CMTM4: variants seen among roughly 807,000 people sequenced by gnomAD.
CMTM4 encodes CKLF like MARVEL transmembrane domain containing 4.
In CMTM4, 8 loss-of-function variants were observed where a neutral mutation model predicts 19.0. That is an observed-to-expected ratio of 0.42 (90% CI 0.25 to 0.76). The LOEUF (loss-of-function observed/expected upper bound fraction) is 0.76. Among genes scored for constraint, CMTM4 ranks in the 30% least tolerant of loss-of-function variants. The pLI, the probability that CMTM4 is intolerant of heterozygous loss-of-function variation, is 0.27. For synonymous variants in CMTM4, 106 were observed against 121.1 expected, an observed-to-expected ratio of 0.88 and a Z score of 0.82; for missense variants, 228 against 290.2, an observed-to-expected ratio of 0.79 and a Z score of 1.56.
At chr16:66,649,402 T>C (rs1045270658) in intron 1 of CMTM4, among the ~76,000 whole-genome samples, 2 of 152,140 alleles carry the variant, frequency 1.3e-5, no homozygotes, top group African/African-American at 2.4e-5. Flanking sequence ...ACAAGCTCCT[T>C]AGGGAGCAAA....
Position 66,621,710 on chromosome 16 carries a change from T to C in CMTM4, c.*348A>G. 1 of 1,081,782 alleles carries C rather than the reference T, an allele frequency of 9.2e-7. No homozygotes were observed. Among genetic ancestry groups the C allele is most frequent in the South Asian group, 3.3e-5 (1 of 30,698 alleles). 67.0% of individuals were successfully genotyped at this position (1,081,782 alleles called of 1,614,324 possible). A position where few individuals can be genotyped will look rare whatever the true frequency, so the allele number is the denominator to read the frequency against. ...AATGCTGTCCCTTCATTCCTTCATA[T>C]TTCCCCCCTCTTAGCAGCCCCATTT... On this transcript the variant is annotated 3_prime_UTR_variant, in exon 4 of 4. Coordinates refer to ENST00000394106, the MANE Select transcript of CMTM4 (RefSeq NM_181521.3).
the CMTM4 span, chr16:66,604,903 C>A: frequency 3.4e-6 from 5 of 1,460,274 alleles, no homozygotes; most frequent in Non-Finnish European, 4.5e-6. Flanking sequence ...CTGCTGCCGG[C>A]GCGGGCTTTC....
chr16:66,674,879 T>C (rs184149534), intron 1 of CMTM4, among the ~76,000 whole-genome samples: 52 of 151,278 alleles, frequency 3.4e-4, no homozygotes, highest in African/African-American at 1.1e-3. Flanking sequence ...GTAGCTGGGA[T>C]TACAGGTGCC....
At chr16:66,628,474 G>T (rs776932223) in intron 2 of CMTM4, among the ~76,000 whole-genome samples, 9 of 152,174 alleles carry the variant, frequency 5.9e-5, no homozygotes, top group Non-Finnish European at 1.2e-4. Flanking sequence ...AGAGAATGGC[G>T]ATGACTTTTA....
chr16:66,608,518 A>C, the CMTM4 span: 1 of 1,581,178 alleles, frequency 6.3e-7, no homozygotes, highest in Non-Finnish European at 8.6e-7. The surrounding 1 kb of genome is among the most constrained non-coding windows in gnomAD (Gnocchi z 5.1). Flanking sequence ...TGGCCAGATG[A>C]GGAGTCCAGA....
Position 66,651,434 on chromosome 16 carries a change from T to G in CMTM4, c.187-14853A>C, listed in dbSNP as rs189754052. Among the ~76,000 whole-genome samples, 373 of 152,190 alleles carry G rather than the reference T, an allele frequency of 2.5e-3. 1 individual carries two copies. The highest frequency in any genetic ancestry group is 8.3e-3 in the African/African-American group (345 of 41,542). ...ACGGCTTCCATTTAGGGAGCATCAA[T>G]AAGGTAAGGAAGCTACAGGGCTCTG... On this transcript the variant is annotated intron_variant, in intron 1 of 3. Transcript: ENST00000394106.
downstream of CMTM4, chr16:66,612,550 G>A (rs373217734): frequency 1.9e-4 from 295 of 1,583,942 alleles, no homozygotes; most frequent in African/African-American, 4.2e-4. This position sits in a 1 kb window ranked among gnomAD's most constrained non-coding sequence, Gnocchi z 6.0. Flanking sequence ...CCCAGAGACC[G>A]TTCCCAGGCA....
chr16:66,695,386 C>T (rs2017214499), intron 1 of CMTM4, among the ~76,000 whole-genome samples: 1 of 152,118 alleles, frequency 6.6e-6, no homozygotes, highest in South Asian at 2.1e-4. Context: ...GCTTCTCTGG[C>T]TATGAGAAGT....
chr16:66,600,972 G>C, the CMTM4 span, among the ~76,000 whole-genome samples: 1 of 152,172 alleles, frequency 6.6e-6, no homozygotes, highest in South Asian at 2.1e-4. Flanking sequence ...ACCATAGTTT[G>C]TTCCAGGAAC....
At chr16:66,630,261 GA>G (rs556448446) in intron 2 of CMTM4, among the ~76,000 whole-genome samples, 23 of 140,856 alleles carry the variant, frequency 1.6e-4, no homozygotes, top group East Asian at 1.1e-3. Flanking sequence ...TTTGGTGTCA[GA>G]AAAAAAAAAA....
chr16:66,642,129 T>G (rs1217721687), intron 1 of CMTM4, among the ~76,000 whole-genome samples: 1 of 152,150 alleles, frequency 6.6e-6, no homozygotes, highest in African/African-American at 2.4e-5. Flanking sequence ...TCTAGCACAG[T>G]GAAATCTAAT....
intron 1 of CMTM4, among the ~76,000 whole-genome samples, chr16:66,682,253 A>G (rs2016929256): frequency 6.6e-6 from 1 of 152,200 alleles, no homozygotes; most frequent in Non-Finnish European, 1.5e-5. Context: ...TTAACTTTCA[A>G]GTTATTTAGC....
chr16:66,618,233 T>C lies in CMTM4; in HGVS notation c.*3825A>G. ...GCTCAAGAGAATCCACCAGCAGCTC[T>C]TGGCCTAGAAACTTTTTCCCCTTTC... On this transcript the variant is annotated 3_prime_UTR_variant, in exon 4 of 4. Coordinates refer to ENST00000394106, the MANE Select transcript of CMTM4 (RefSeq NM_181521.3). The C allele has an allele frequency of 1.3e-5, 13 of 985,480 alleles. No homozygotes were observed. Among genetic ancestry groups the C allele is most frequent in the Non-Finnish European group, 1.6e-5 (13 of 829,930 alleles). 61.0% of individuals were successfully genotyped at this position (985,480 alleles called of 1,614,324 possible).
chr16:66,642,491 A>C (rs988556219), intron 1 of CMTM4, among the ~76,000 whole-genome samples: 1 of 152,108 alleles, frequency 6.6e-6, no homozygotes, highest in Non-Finnish European at 1.5e-5. Flanking sequence ...AGGGAGTTGG[A>C]TCACTTGAGG....
intron 1 of CMTM4, among the ~76,000 whole-genome samples, chr16:66,655,038 C>T (rs1387059817): frequency 1.3e-5 from 2 of 152,156 alleles, no homozygotes; most frequent in African/African-American, 4.8e-5. Flanking sequence ...CTCTGTCACC[C>T]AGGCTAGAGT....
intron 2 of CMTM4, among the ~76,000 whole-genome samples, chr16:66,635,643 C>G (rs1171758901): frequency 6.6e-6 from 1 of 152,260 alleles, no homozygotes; most frequent in African/African-American, 2.4e-5. Flanking sequence ...CCACGGCGTT[C>G]TCATCCCACA....
intron 2 of CMTM4, among the ~76,000 whole-genome samples, chr16:66,628,056 G>C (rs929759536): frequency 2.0e-5 from 3 of 152,172 alleles, no homozygotes; most frequent in Non-Finnish European, 4.4e-5. Flanking sequence ...TGTGCACGTA[G>C]GCCAGATTTA....
intron 1 of CMTM4, among the ~76,000 whole-genome samples, chr16:66,660,113 C>T (rs1162993463): frequency 1.3e-5 from 2 of 152,114 alleles, no homozygotes; most frequent in Non-Finnish European, 2.9e-5. Flanking sequence ...CAAGGCAGAG[C>T]ACGGTGGCTC....
intron 2 of CMTM4, among the ~76,000 whole-genome samples, chr16:66,632,221 T>C (rs2015886177): frequency 1.3e-5 from 2 of 152,098 alleles, no homozygotes; most frequent in African/African-American, 4.8e-5. Context: ...CACCAGGATG[T>C]TGAGTGGGGT....
Sources: allele counts gnomAD v4.1 joint callset (sites outside exome capture counted in the v4.1 genomes callset), GRCh38; gene constraint gnomAD v4.1.1; non-coding constraint Gnocchi (gnomAD v3.1); transcripts MANE v1.5; gene names NCBI Gene and HGNC (gene_info 2026-07-23, HGNC 2026-07-21).